The following SLC44A3 variants were observed in gnomAD, a reference collection of about 807,000 sequenced individuals.
SLC44A3 encodes the protein solute carrier family 44 member 3, also known as choline transporter-like protein 3.
Under a neutral mutation model 75.4 loss-of-function variants are expected in SLC44A3, and 74 were observed. The ratio of observed to expected loss-of-function variants is 0.98; its 90% CI spans 0.81 to 1.19. The LOEUF is 1.19. Ranked by LOEUF, SLC44A3 falls within the 50% of genes most tolerant of loss-of-function variation. The pLI is 0.00. For missense variants in SLC44A3, 700 were observed against 778.6 expected (o/e 0.90, Z 1.20); for synonymous variants, 310 against 296.9 (o/e 1.04, Z -0.45).
intron 12 of SLC44A3, among the ~76,000 whole-genome samples, chr1:94,876,487 C>T (rs374806941): frequency 4.6e-5 from 7 of 152,220 alleles, no homozygotes; most frequent in African/African-American, 1.4e-4. Context: ...ATTTGTCCTA[C>T]GGCATTAAGA....
chr1:94,821,432 A>T (rs1660570484), intron 2 of SLC44A3, among the ~76,000 whole-genome samples: 1 of 152,212 alleles, frequency 6.6e-6, no homozygotes, highest in Non-Finnish European at 1.5e-5. Flanking sequence ...AACAAAGGAA[A>T]AGCCAGGGTA....
chr1:94,872,394 C>G (rs1043456018), intron 12 of SLC44A3, among the ~76,000 whole-genome samples: 1 of 151,954 alleles, frequency 6.6e-6, no homozygotes. Context: ...CCGTGCCCGG[C>G]CTTTTGTTTA....
intron 9 of SLC44A3, among the ~76,000 whole-genome samples, chr1:94,851,202 A>G (rs1468969342): frequency 1.3e-5 from 2 of 152,062 alleles, no homozygotes; most frequent in Non-Finnish European, 2.9e-5. Flanking sequence ...AAAATCTCCT[A>G]TAAATTTCTC....
chr1:94,875,295 A>G (rs1459751764), intron 12 of SLC44A3, among the ~76,000 whole-genome samples: 1 of 152,184 alleles, frequency 6.6e-6, no homozygotes, highest in East Asian at 1.9e-4. Flanking sequence ...CTAGCGCCAC[A>G]ATGGGATTTA....
intron 9 of SLC44A3, among the ~76,000 whole-genome samples, chr1:94,846,046 C>T (rs1664358999): frequency 1.3e-5 from 2 of 151,004 alleles, no homozygotes; most frequent in Admixed American, 1.3e-4. Flanking sequence ...GCTGGGGAGG[C>T]TGAGGCAGGA....
At chr1:94,889,900 G>T (rs1200687411) in intron 12 of SLC44A3, among the ~76,000 whole-genome samples, 1 of 151,578 alleles carries the variant, frequency 6.6e-6, no homozygotes, top group East Asian at 1.9e-4. Context: ...GCCCAGGCTG[G>T]AGTGCAATGG....
intron 9 of SLC44A3, among the ~76,000 whole-genome samples, chr1:94,852,008 T>G (rs987483682): frequency 2.0e-5 from 3 of 152,258 alleles, no homozygotes; most frequent in African/African-American, 4.8e-5. Context: ...CAGATTATTT[T>G]GATGCTCTCA....
At chr1:94,841,769 C>T (rs1164077806) in intron 7 of SLC44A3, among the ~76,000 whole-genome samples, 2 of 152,184 alleles carry the variant, frequency 1.3e-5, no homozygotes, top group African/African-American at 4.8e-5. Flanking sequence ...CTGGGTCTCC[C>T]AAAACAAGCA....
chr1:94,857,830 T>C (rs1444679437), intron 10 of SLC44A3, among the ~76,000 whole-genome samples: 1 of 147,130 alleles, frequency 6.8e-6, no homozygotes, highest in Non-Finnish European at 1.5e-5. Flanking sequence ...TTTTTTTTTT[T>C]TGAGATGGAG....
Position 94,820,358 on chromosome 1 carries a change from G to GC in SLC44A3, c.-90dup. ...GGCTCCAGCCCCAGCCCCAGCCCCA[G>GC]CCCCGGCCCCGGCCCCGGCTCGCGG... On this transcript the variant is annotated 5_prime_UTR_variant, in exon 1 of 15. Coordinates refer to ENST00000271227, the MANE Select transcript of SLC44A3 (RefSeq NM_001114106.3). 3 of 1,263,538 alleles carry GC rather than the reference G, an allele frequency of 2.4e-6. No individual in the cohort carries two copies. Among genetic ancestry groups the GC allele is most frequent in the Non-Finnish European group, 2.0e-6 (2 of 998,596 alleles). The allele number at this position is 1,263,538 out of a possible 1,614,324, so 78.3% of individuals were successfully genotyped here.
chr1:94,894,790 T>C (rs1428292107), intron 14 of SLC44A3, 28 bp from the exon 15 acceptor site: 4 of 1,576,018 alleles, frequency 2.5e-6, no homozygotes, highest in Non-Finnish European at 8.7e-7. Flanking sequence ...CACATAATAC[T>C]ATTCTAACTT....
chr1:94,850,130 G>A (rs1236490946), intron 9 of SLC44A3, among the ~76,000 whole-genome samples: 1 of 152,022 alleles, frequency 6.6e-6, no homozygotes, highest in Non-Finnish European at 1.5e-5. Context: ...TTGCCCAGAT[G>A]GGCTATTTTT....
chr1:94,857,505 G>A lies in SLC44A3; in HGVS notation c.1238+5G>A. The A allele has an allele frequency of 6.2e-7, 1 of 1,604,340 alleles. No homozygotes were observed. The highest frequency in any genetic ancestry group is 1.1e-5 in the South Asian group (1 of 89,262). ...GGTTACTTGTTATTTCAACAGGTAG[G>A]TCCAGTGTTTTTTTTCTATTGGTTT... On this transcript the variant is annotated splice_donor_5th_base_variant and intron_variant, in intron 10 of 14. Coordinates refer to ENST00000271227, the MANE Select transcript of SLC44A3 (RefSeq NM_001114106.3).
chr1:94,875,681 G>A (rs1668201381), intron 12 of SLC44A3, among the ~76,000 whole-genome samples: 1 of 152,076 alleles, frequency 6.6e-6, no homozygotes. Flanking sequence ...TTGCATCCTG[G>A]GAAGTTTGGG....
intron 7 of SLC44A3, 28 bp downstream of exon 7, chr1:94,840,065 C>G (rs1205409861): frequency 1.3e-6 from 2 of 1,575,454 alleles, no homozygotes; most frequent in African/African-American, 1.3e-5. Flanking sequence ...TGACTGATTT[C>G]TTTTCGATTA....
intron 12 of SLC44A3, 22 bp downstream of exon 12, chr1:94,867,439 C>G: frequency 6.3e-7 from 1 of 1,583,722 alleles, no homozygotes; most frequent in South Asian, 1.2e-5. Flanking sequence ...CCTCTTGCCT[C>G]AGGAACACAC....
At chr1:94,876,629 A>G (rs1044835213) in intron 12 of SLC44A3, among the ~76,000 whole-genome samples, 6 of 152,216 alleles carry the variant, frequency 3.9e-5, no homozygotes, top group African/African-American at 1.4e-4. Flanking sequence ...AGCAGTCACT[A>G]AGTCATGTCC....
intron 5 of SLC44A3, among the ~76,000 whole-genome samples, chr1:94,831,620 C>T (rs1345541906): frequency 6.6e-6 from 1 of 152,290 alleles, no homozygotes; most frequent in East Asian, 1.9e-4. Flanking sequence ...TGGTGTTCAA[C>T]ATGGTAATGT....
At chr1:94,820,922 T>C in intron 1 of SLC44A3, 27 bp from the exon 2 acceptor site, 1 of 1,544,302 alleles carries the variant, frequency 6.5e-7, no homozygotes, top group Non-Finnish European at 8.8e-7. Flanking sequence ...TTATCTTCTT[T>C]TTCTCAACTC....
Sources: allele counts gnomAD v4.1 joint callset (sites outside exome capture counted in the v4.1 genomes callset), GRCh38; gene constraint gnomAD v4.1.1; transcripts MANE v1.5; gene names NCBI Gene and HGNC (gene_info 2026-07-23, HGNC 2026-07-21).